Variants in CNKSR1 observed in about 807,000 individuals in gnomAD.
CNKSR1 encodes CNK homolog protein 1.
CNKSR1 carries 88 observed loss-of-function variants against 95.6 expected under a neutral mutation model. The ratio of observed to expected loss-of-function variants is 0.92; its 90% CI spans 0.78 to 1.10. The LOEUF (loss-of-function observed/expected upper bound fraction) is 1.10, where lower values mean the gene tolerates loss of function less well. Ranked by LOEUF, CNKSR1 falls within the 50% of genes least tolerant of loss-of-function variation. The pLI, the probability that CNKSR1 is intolerant of heterozygous loss-of-function variation, is 0.00. For synonymous variants in CNKSR1, 355 were observed against 369.7 expected (o/e 0.96, Z 0.46); for missense variants, 836 against 912.0 (o/e 0.92, Z 1.07).
Position 26,188,302 on chromosome 1 carries a change from AG to A in CNKSR1, c.1525del (p.Glu509LysfsTer54). The stretch of plus-strand genomic sequence containing the variant: ...CCAGGCCGGGCCCCCCCACCCCGAG[AG>A]GAAGGTAGGTGTCTCGCAGGGTTGA... The part of the protein sequence containing the change: ...QSPGRAPPPR[E>X]EDCYSETEAE... On this transcript the variant is annotated frameshift_variant, in exon 17 of 21. Coordinates refer to ENST00000361530, the MANE Select transcript of CNKSR1 (RefSeq NM_006314.3). LOFTEE classifies it high-confidence loss of function. The A allele has an allele frequency of 6.2e-7, 1 of 1,613,952 alleles. No individual in the cohort carries two copies. Among genetic ancestry groups the A allele is most frequent in the African/African-American group, 1.3e-5 (1 of 74,976 alleles).
At position 26,188,515 on chromosome 1, in the gene CNKSR1, G is replaced by C; in HGVS notation, c.1590+12G>C. 1 of 1,601,520 alleles carries C rather than the reference G, an allele frequency of 6.2e-7. No individual in the cohort carries two copies. Among genetic ancestry groups the C allele is most frequent in the Non-Finnish European group, 8.5e-7 (1 of 1,174,428 alleles). Reference sequence around the variant, plus strand: ...CCCACTCAGCCTCGGTGAGTGGGGGGCTGCCGGGGGTAGGAGGTGGGGATA... The same window carrying C: ...CCCACTCAGCCTCGGTGAGTGGGGGCCTGCCGGGGGTAGGAGGTGGGGATA... On this transcript the variant is annotated intron_variant, in intron 18 of 20. Transcript: ENST00000361530.
At chr1:26,186,353 G>T (rs1440726858) in intron 14 of CNKSR1, among the ~76,000 whole-genome samples, 3 of 151,882 alleles carry the variant, frequency 2.0e-5, no homozygotes, top group Middle Eastern at 3.2e-3. Context: ...CAGGCTGGAG[G>T]GCAGTGGCAT....
intron 1 of CNKSR1, 42 bp from the exon 2 acceptor site, chr1:26,180,411 G>C (rs1013711832): frequency 6.2e-7 from 1 of 1,611,838 alleles, no homozygotes; most frequent in Non-Finnish European, 8.5e-7. Context: ...AAAAGGTCCT[G>C]ACACCTCTGC....
chr1:26,183,897 A>G (rs1305039076), intron 9 of CNKSR1, 67 bp downstream of exon 9: 4 of 391,928 alleles, frequency 1.0e-5, no homozygotes, highest in Non-Finnish European at 9.4e-6. Context: ...TGCCCCCACC[A>G]CCCCCACACC....
At chr1:26,188,118 C>A in intron 16 of CNKSR1, 116 bp from the exon 17 acceptor site, 1 of 872,234 alleles carries the variant, frequency 1.1e-6, no homozygotes, top group Non-Finnish European at 1.9e-6. Flanking sequence ...ACTAAGAGTT[C>A]ATCCCTCTCA....
chr1:26,181,653 A>C (rs1228734764), intron 3 of CNKSR1: 1 of 609,082 alleles, frequency 1.6e-6, no homozygotes, highest in African/African-American at 1.8e-5. Context: ...CAGTGCCTAG[A>C]ACAGGGCTTG....
At chr1:26,187,295 G>T in intron 15 of CNKSR1, 54 bp downstream of exon 15, 1 of 1,589,638 alleles carries the variant, frequency 6.3e-7, no homozygotes, top group Middle Eastern at 1.7e-4. Context: ...GGGAGAGGAA[G>T]GGTGATGGGG....
rs1307025422 is a variant in CNKSR1, at chr1:26,189,372, G to A, written c.1966G>A (p.Glu656Lys). The A allele has an allele frequency of 6.2e-7, 1 of 1,614,178 alleles. No homozygotes were observed. The highest frequency in any genetic ancestry group is 8.5e-7 in the Non-Finnish European group (1 of 1,180,028). The change falls in exon 21 of 21, where the codon GAG (glutamate) becomes AAG (lysine). Residue 656 changes from glutamate to lysine, a missense_variant. Coordinates refer to ENST00000361530, the MANE Select transcript of CNKSR1 (RefSeq NM_006314.3). ...KFRQWKEQNR[E>K]LYSEGLGAWG... ...CCGCCAGTGGAAGGAGCAGAACCGG[G>A]AGCTGTACTCAGAGGGCCTGGGGGC...
chr1:26,177,913 G>T (rs2088588052), intron 1 of CNKSR1, among the ~76,000 whole-genome samples: 1 of 152,130 alleles, frequency 6.6e-6, no homozygotes, highest in Non-Finnish European at 1.5e-5. Context: ...GTTACAGTGA[G>T]CCGAGATTGC....
At chr1:26,184,557 T>A (rs1303140062) in intron 12 of CNKSR1, 28 bp from the exon 13 acceptor site, 1 of 1,608,100 alleles carries the variant, frequency 6.2e-7, no homozygotes, top group Non-Finnish European at 8.5e-7. Flanking sequence ...ACCTAGATCC[T>A]TCTCTCACCC....
rs1388767733 is a variant in CNKSR1 at position 26,180,530 on chromosome 1, C to CA, written c.133dup (p.Ser45LysfsTer48). 1 of 1,614,202 alleles carries CA rather than the reference C, an allele frequency of 6.2e-7. No homozygotes were observed. Among genetic ancestry groups the CA allele is most frequent in the South Asian group, 1.1e-5 (1 of 91,084 alleles). On this transcript the variant is annotated frameshift_variant, in exon 2 of 21. Coordinates refer to ENST00000361530, the MANE Select transcript of CNKSR1 (RefSeq NM_006314.3). LOFTEE classifies it high-confidence loss of function. ...CAAGAACCTGCTCCAGCTCTGCCCC[C>CA]AAAGCCTCGAGGCTCTGGCTGTGCG...
chr1:26,184,530 G>T, intron 12 of CNKSR1, 23 bp downstream of exon 12: 1 of 1,607,308 alleles, frequency 6.2e-7, no homozygotes, highest in Non-Finnish European at 8.5e-7. Context: ...GCTTAGCAAG[G>T]GGGTGGGTGG....
rs267598520 is a variant in CNKSR1, at chr1:26,182,486, C to T, written c.526C>T (p.His176Tyr). The T allele has an allele frequency of 6.2e-7, 1 of 1,614,040 alleles. No individual in the cohort carries two copies. Among genetic ancestry groups the T allele is most frequent in the Non-Finnish European group, 8.5e-7 (1 of 1,179,968 alleles). ...KEGTVLRICSHVAGICHNILV... is the reference protein window; with the variant it reads ...KEGTVLRICSYVAGICHNILV... ...GCCCGCTCCCCTCCCCCAGTGCAGC[C>T]ACGTGGCTGGGATCTGCCACAACAT... is the stretch of plus-strand genomic sequence containing the variant. Residue 176 changes from histidine (H) to tyrosine (Y), a missense_variant, in exon 6 of 21, where the codon CAC becomes TAC. Transcript: ENST00000361530.
At chr1:26,177,853 G>T (rs951503651) in intron 1 of CNKSR1, among the ~76,000 whole-genome samples, 1 of 152,198 alleles carries the variant, frequency 6.6e-6, no homozygotes, top group African/African-American at 2.4e-5. Context: ...TGTAATCCCA[G>T]CTACTTGGGA....
At chr1:26,185,609 G>T (rs1392620693) in intron 14 of CNKSR1, among the ~76,000 whole-genome samples, 25 of 152,080 alleles carry the variant, frequency 1.6e-4, no homozygotes, top group Non-Finnish European at 1.5e-5. Flanking sequence ...AGCCAGGATG[G>T]TCTCGATCTC....
Position 26,185,133 on chromosome 1 carries a change from C to A in CNKSR1, c.1255C>A (p.Arg419Ser), listed in dbSNP as rs752513252. The change falls in exon 14 of 21, where the codon CGC (arginine) becomes AGC (serine). Residue 419 changes from arginine (R) to serine (S), a missense_variant. Coordinates refer to ENST00000361530, the MANE Select transcript of CNKSR1 (RefSeq NM_006314.3). ...CGGCTTCATGGGCCCGCGCTGGCGCCGCCGCTGGTTTGTGCTCAAGGGACA... is the reference window on the plus strand; with the variant it reads ...CGGCTTCATGGGCCCGCGCTGGCGCAGCCGCTGGTTTGTGCTCAAGGGACA... ...PGGFMGPRWR[R>S]RWFVLKGHTL... 6.3e-7 allele frequency: 1 copy of A among 1,579,678 alleles called. No homozygotes were observed. The highest frequency in any genetic ancestry group is 8.6e-7 in the Non-Finnish European group (1 of 1,163,480).
chr1:26,188,206 C>A (rs901574439), intron 16 of CNKSR1, 28 bp from the exon 17 acceptor site: 1 of 1,607,334 alleles, frequency 6.2e-7, no homozygotes, highest in Non-Finnish European at 8.5e-7. Flanking sequence ...TGGATGGAAA[C>A]CCTGTGAGAC....
At position 26,183,742 on chromosome 1, in the gene CNKSR1, G is replaced by A. The variant is rs139571283; in HGVS notation, c.767G>A (p.Arg256His). The A allele has an allele frequency of 1.7e-5, 27 of 1,612,812 alleles. No individual in the cohort carries two copies. Among genetic ancestry groups the A allele is most frequent in the South Asian group, 4.4e-5 (4 of 91,068 alleles). ...TCTGTCCCCCAGGTGGGATGGCCCCGTAAGAACATGGTGAGGGAACTGCTG... is the reference window on the plus strand; with the variant it reads ...TCTGTCCCCCAGGTGGGATGGCCCCATAAGAACATGGTGAGGGAACTGCTG... ...INEQVVVGWPRKNMVRELLRE... is the reference protein window; with the variant it reads ...INEQVVVGWPHKNMVRELLRE... Residue 256 changes from arginine (R) to histidine (H), a missense_variant, in exon 9 of 21, where the codon CGT (arginine) becomes CAT (histidine). Arg to His is a conservative substitution (Grantham distance 29, BLOSUM62 0). Coordinates refer to ENST00000361530, the MANE Select transcript of CNKSR1 (RefSeq NM_006314.3).
chr1:26,186,498 G>A (rs865933924), intron 14 of CNKSR1, among the ~76,000 whole-genome samples: 1 of 151,454 alleles, frequency 6.6e-6, no homozygotes, highest in East Asian at 2.0e-4. Flanking sequence ...TGTTTGAGAC[G>A]CAGTCTCGCT....
Sources: allele counts gnomAD v4.1 joint callset (sites outside exome capture counted in the v4.1 genomes callset), GRCh38; gene constraint gnomAD v4.1.1; transcripts MANE v1.5; gene names NCBI Gene and HGNC (gene_info 2026-07-23, HGNC 2026-07-21).